The following PUS10 variants were observed in gnomAD, a reference collection of about 807,000 sequenced individuals.
PUS10 encodes tRNA pseudouridine synthase Pus10.
PUS10 carries 59 observed loss-of-function variants against 75.0 expected under a neutral mutation model. The ratio of observed to expected loss-of-function variants is 0.79; its 90% CI spans 0.64 to 0.98. PUS10 has a LOEUF of 0.98. PUS10 is among the 50% of genes least tolerant of loss of function. The pLI, the probability that PUS10 is intolerant of heterozygous loss-of-function variation, is 0.00. For synonymous variants in PUS10, 219 were observed against 211.6 expected (o/e 1.03, Z -0.30); for missense variants, 650 against 614.4 (o/e 1.06, Z -0.61).
Position 60,953,218 on chromosome 2 carries a change from A to G in PUS10, c.1191-104T>C, listed in dbSNP as rs545237743. 4 of 683,542 alleles carry G rather than the reference A, an allele frequency of 5.9e-6. No individual in the cohort carries two copies. In the East Asian group the frequency reaches 1.0e-4, roughly 17 times the overall value. 42.3% of individuals were successfully genotyped at this position (683,542 alleles called of 1,614,324 possible). On this transcript the variant is annotated intron_variant, in intron 14 of 17. Transcript: ENST00000316752. Reference sequence around the variant, plus strand: ...AAAAACAGTTTACATATAATTTCCCAGTTTTAACTGTACAATTCAATGATT... The same window carrying G: ...AAAAACAGTTTACATATAATTTCCCGGTTTTAACTGTACAATTCAATGATT...
At chr2:60,945,729 T>C (rs1193977929) in intron 16 of PUS10, among the ~76,000 whole-genome samples, 3 of 152,366 alleles carry the variant, frequency 2.0e-5, no homozygotes, top group Admixed American at 6.5e-5. Flanking sequence ...AACTTTGTAT[T>C]TCTCTCAAAA....
chr2:60,976,811 T>A (rs1677056900), intron 4 of PUS10, among the ~76,000 whole-genome samples: 1 of 152,074 alleles, frequency 6.6e-6, no homozygotes, highest in South Asian at 2.1e-4. Flanking sequence ...GAAGTATATT[T>A]CTCCCTTTCA....
At chr2:60,965,214 G>A (rs1676261265) in intron 7 of PUS10, 111 bp from the exon 8 acceptor site, 9 of 1,101,636 alleles carry the variant, frequency 8.2e-6, no homozygotes, top group Non-Finnish European at 1.2e-5. Flanking sequence ...ATCAGGAGCA[G>A]ACAAAATGAG....
chr2:60,944,153 A>G, intron 17 of PUS10: 7 of 855,624 alleles, frequency 8.2e-6, no homozygotes, highest in Non-Finnish European at 9.8e-6. Flanking sequence ...TGATGAGTAG[A>G]GATTTTCTTT....
chr2:60,995,519 C>T (rs984110681), intron 4 of PUS10, among the ~76,000 whole-genome samples: 3 of 152,118 alleles, frequency 2.0e-5, no homozygotes, highest in South Asian at 2.1e-4. Context: ...GACAGTTCTA[C>T]GCAACAAGAA....
In PUS10 at chr2:61,006,518, G is replaced by A. The variant is rs757692504; in HGVS notation, c.468+39C>T. The stretch of plus-strand genomic sequence containing the variant: ...CCATTTTTTGAGAAATTCCTAGCAT[G>A]CACTTCACATACAGTTTTATGCATG... On this transcript the variant is annotated intron_variant, in intron 4 of 17. Transcript: ENST00000316752. 3.7e-6 allele frequency: 5 copies of A among 1,356,724 alleles called. No homozygotes were observed. The South Asian group carries it at 4.9e-5, about 13-fold the overall frequency. The allele number at this position is 1,356,724 out of a possible 1,614,324, so 84.0% of individuals were successfully genotyped here.
intron 4 of PUS10, among the ~76,000 whole-genome samples, chr2:61,005,454 G>A (rs1486853971): frequency 6.6e-6 from 1 of 152,086 alleles, no homozygotes; most frequent in Non-Finnish European, 1.5e-5. Flanking sequence ...ATAAACATAA[G>A]CTTTGAGAGG....
chr2:60,960,608 C>T, intron 10 of PUS10, 91 bp from the exon 11 acceptor site: 2 of 1,210,826 alleles, frequency 1.7e-6, no homozygotes, highest in Non-Finnish European at 2.3e-6. Flanking sequence ...GGGCCAATAT[C>T]CTAAGTGCTA....
rs771199752 is a variant in PUS10 at position 60,953,922 on chromosome 2, C to G, written c.1190+11G>C. ...CCCTTTTGAAATCATCTCCAATGAG[C>G]CTACTCTTACCTTGTGACAAGCTGC... On this transcript the variant is annotated intron_variant, in intron 14 of 17. Coordinates refer to ENST00000316752, the MANE Select transcript of PUS10 (RefSeq NM_144709.4). The G allele has an allele frequency of 1.2e-6, 2 of 1,611,728 alleles. No homozygotes were observed. The highest frequency in any genetic ancestry group is 8.5e-7 in the Non-Finnish European group (1 of 1,177,942).
In PUS10 at chr2:60,942,956, A is replaced by C. The variant is rs143655835; in HGVS notation, c.1552-523T>G. Among the ~76,000 whole-genome samples the C allele has an allele frequency of 4.0e-3, 610 of 151,106 alleles. 7 individuals are homozygous for C. Among genetic ancestry groups the C allele is most frequent in the African/African-American group, 0.014 (583 of 41,188 alleles). ...TGAGGCAGGAGAACAGCTTGAGCCC[A>C]GGAGGCAGAGGTTGCAGTGAGCCGA... On this transcript the variant is annotated intron_variant, in intron 17 of 17. Coordinates refer to ENST00000316752, the MANE Select transcript of PUS10 (RefSeq NM_144709.4).
chr2:61,008,708 A>G lies in PUS10; in HGVS notation c.381+53T>C, dbSNP rs923220833. The G allele has an allele frequency of 2.2e-6, 3 of 1,354,184 alleles. No homozygotes were observed. The African/African-American group carries it at 4.4e-5, about 20-fold the overall frequency. 83.9% of individuals were successfully genotyped at this position (1,354,184 alleles called of 1,614,324 possible). On this transcript the variant is annotated intron_variant, in intron 3 of 17. Transcript: ENST00000316752. ...GAAAGAAAAAAGAATTCTTGGTTTT[A>G]AGACTGAAAATCTCTACATAATTGC...
At chr2:60,979,857 A>G (rs1284722357) in intron 4 of PUS10, among the ~76,000 whole-genome samples, 4 of 152,246 alleles carry the variant, frequency 2.6e-5, no homozygotes, top group Non-Finnish European at 4.4e-5. Context: ...GCAAGGACAG[A>G]TCAGCATAGA....
intron 1 of PUS10, among the ~76,000 whole-genome samples, chr2:61,015,435 G>A (rs1364735395): frequency 6.6e-6 from 1 of 152,110 alleles, no homozygotes; most frequent in Non-Finnish European, 1.5e-5. Context: ...AGTAGGTGGA[G>A]GTTGCAGTAA....
At chr2:60,970,992 C>T (rs1191387158) in intron 5 of PUS10, among the ~76,000 whole-genome samples, 1 of 151,994 alleles carries the variant, frequency 6.6e-6, no homozygotes, top group African/African-American at 2.4e-5. Flanking sequence ...CCAGCCTGGA[C>T]AACATGGTGA....
chr2:61,017,973 G>A, intron 1 of PUS10, 35 bp downstream of exon 1: 1 of 1,322,310 alleles, frequency 7.6e-7, no homozygotes. Context: ...ACCCAACCTT[G>A]GGGATAGGGG....
intron 1 of PUS10, chr2:61,017,674 C>T: frequency 9.1e-7 from 1 of 1,094,238 alleles, no homozygotes; most frequent in Non-Finnish European, 1.3e-6. Flanking sequence ...CGGTGTTCTG[C>T]CCGTTGTGTC....
chr2:61,017,968 A>G (rs1278474174), intron 1 of PUS10, 40 bp downstream of exon 1: 35 of 1,330,544 alleles, frequency 2.6e-5, no homozygotes, highest in Middle Eastern at 1.8e-4. Flanking sequence ...CCAATACCCA[A>G]CCTTGGGGAT....
chr2:61,008,852 C>T lies in PUS10; in HGVS notation c.290G>A (p.Gly97Glu). 6.2e-7 allele frequency: 1 copy of T among 1,613,298 alleles called. No individual in the cohort carries two copies. The highest frequency in any genetic ancestry group is 8.5e-7 in the Non-Finnish European group (1 of 1,179,464). The change falls in exon 3 of 18, where the codon GGA becomes GAA. Residue 97 changes from glycine to glutamate, a missense_variant. Coordinates refer to ENST00000316752, the MANE Select transcript of PUS10 (RefSeq NM_144709.4). ...ATTTGAGTTCTTGGAAGCAGTGCTT[C>T]CAACATGACTAACAGAGATCCTTCC... ...GEGRISVSHVGSTASKNSNLN... is the reference protein window; with the variant it reads ...GEGRISVSHVESTASKNSNLN...
intron 4 of PUS10, among the ~76,000 whole-genome samples, chr2:60,980,597 T>A (rs1677323778): frequency 6.6e-6 from 1 of 152,194 alleles, no homozygotes; most frequent in African/African-American, 2.4e-5. Flanking sequence ...TATAGAAACT[T>A]GGCCTGTGGA....
Sources: allele counts gnomAD v4.1 joint callset (sites outside exome capture counted in the v4.1 genomes callset), GRCh38; gene constraint gnomAD v4.1.1; transcripts MANE v1.5; gene names NCBI Gene and HGNC (gene_info 2026-07-23, HGNC 2026-07-21).